The following TYR variants were observed in gnomAD, a reference collection of about 807,000 sequenced individuals.
The protein encoded by TYR is LB24-AB.
A neutral mutation model predicts 51.5 loss-of-function variants in TYR; 58 were observed. That is an observed-to-expected ratio of 1.13 (90% CI 0.91 to 1.40). The LOEUF is 1.40. Ranked by LOEUF, TYR falls within the 40% of genes most tolerant of loss-of-function variation. TYR has a pLI of 0.00. For missense variants in TYR, 732 were observed against 647.4 expected, an observed-to-expected ratio of 1.13 and a Z score of -1.42; for synonymous variants, 263 against 235.2, an observed-to-expected ratio of 1.12 and a Z score of -1.08.
intron 1 of TYR, among the ~76,000 whole-genome samples, chr11:89,181,788 A>G (rs1943303686): frequency 6.6e-6 from 1 of 152,188 alleles, no homozygotes; most frequent in Non-Finnish European, 1.5e-5. Flanking sequence ...TGAGGACTAA[A>G]ACCAAGCGGC....
chr11:89,177,936 G>C lies in TYR; in HGVS notation c.-18G>C. ...CAATTAGCCAGTTCCTGCAGACCTT[G>C]TGAGGACTAGAGGAAGAATGCTCCT... On this transcript the variant is annotated 5_prime_UTR_variant, in exon 1 of 5. Transcript: ENST00000263321. 1 of 1,612,944 alleles carries C rather than the reference G, an allele frequency of 6.2e-7. No individual in the cohort carries two copies. Among genetic ancestry groups the C allele is most frequent in the Admixed American group, 1.7e-5 (1 of 60,030 alleles).
At chr11:89,216,402 A>T (rs923345345) in intron 2 of TYR, among the ~76,000 whole-genome samples, 2 of 152,084 alleles carry the variant, frequency 1.3e-5, no homozygotes, top group African/African-American at 2.4e-5. Flanking sequence ...ATGGTATCAT[A>T]AGAAAACTCA....
rs1263681467 is a variant in TYR, at chr11:89,227,837, C to A, written c.1051C>A (p.Leu351Ile). 3.1e-6 allele frequency: 5 copies of A among 1,612,816 alleles called. No individual in the cohort carries two copies. The highest frequency in any genetic ancestry group is 2.2e-5 in the East Asian group (1 of 44,828). The part of the protein sequence containing the change: ...RNTLEGFASP[L>I]TGIADASQSS... Reference sequence around the variant, plus strand: ...TTAATGAACAGGATTTGCTAGTCCACTTACTGGGATAGCGGATGCCTCTCA... The same window carrying A: ...TTAATGAACAGGATTTGCTAGTCCAATTACTGGGATAGCGGATGCCTCTCA... The change falls in exon 3 of 5, where the codon CTT (leucine) becomes ATT (isoleucine). Residue 351 changes from leucine (L) to isoleucine (I), a missense_variant. Coordinates refer to ENST00000263321, the MANE Select transcript of TYR (RefSeq NM_000372.5).
At position 89,178,399 on chromosome 11, in the gene TYR, A is replaced by G. The variant is rs797046082; in HGVS notation, c.446A>G (p.Tyr149Cys). ...TLAKHTISSD[Y>C]VIPIGTYGQM... ...GCAAAGCATACCATCAGCTCAGACT[A>G]TGTCATCCCCATAGGGACCTATGGC... The change falls in exon 1 of 5, where the codon TAT (tyrosine) becomes TGT (cysteine). Residue 149 changes from tyrosine (Y) to cysteine (C), a missense_variant. Physicochemically the swap from Tyr to Cys is radical, Grantham distance 194. Transcript: ENST00000263321. The G allele has an allele frequency of 8.1e-6, 13 of 1,614,194 alleles. No homozygotes were observed. Among genetic ancestry groups the G allele is most frequent in the Non-Finnish European group, 1.1e-5 (13 of 1,180,048 alleles).
At chr11:89,284,495 G>A (rs182738636) in intron 3 of TYR, among the ~76,000 whole-genome samples, 1 of 151,884 alleles carries the variant, frequency 6.6e-6, no homozygotes, top group Admixed American at 6.6e-5. Context: ...TTATTTTGCA[G>A]CATTCTGGAG....
intron 3 of TYR, among the ~76,000 whole-genome samples, chr11:89,243,394 G>A (rs1944224745): frequency 6.6e-6 from 1 of 152,108 alleles, no homozygotes. Context: ...AAGTCAAGAG[G>A]TAGTTCAAGC....
At chr11:89,211,417 G>A (rs908970083) in intron 2 of TYR, among the ~76,000 whole-genome samples, 1 of 152,000 alleles carries the variant, frequency 6.6e-6, no homozygotes, top group African/African-American at 2.4e-5. Context: ...CTAAATATAC[G>A]TGCACCCAAT....
intron 2 of TYR, among the ~76,000 whole-genome samples, chr11:89,202,404 T>C (rs1943608363): frequency 1.3e-5 from 2 of 151,608 alleles, no homozygotes; most frequent in Non-Finnish European, 2.9e-5. Context: ...TGTTGAGCTA[T>C]GAAAATGAAG....
intron 3 of TYR, among the ~76,000 whole-genome samples, chr11:89,273,458 G>A (rs866049579): frequency 6.6e-6 from 1 of 151,850 alleles, no homozygotes; most frequent in African/African-American, 2.4e-5. Flanking sequence ...GATGTGGTTT[G>A]TGGCAACCCA....
intron 1 of TYR, among the ~76,000 whole-genome samples, chr11:89,189,998 T>A (rs1260633632): frequency 6.6e-6 from 1 of 152,152 alleles, no homozygotes; most frequent in Non-Finnish European, 1.5e-5. Context: ...TTATACACAA[T>A]GCATTACTCA....
In TYR at chr11:89,199,449, T is replaced by C. The variant is rs138102943; in HGVS notation, c.1036+8031T>C. 4.4e-3 allele frequency among the ~76,000 whole-genome samples: 677 copies of C among 152,290 alleles called. 6 individuals carry two copies. The highest frequency in any genetic ancestry group is 0.015 in the African/African-American group (608 of 41,544). ...ATTAAAAGGTGCAGGTATTATCTTA[T>C]GGCAAGTACTGTCTTAGGAAGATTC... On this transcript the variant is annotated intron_variant, in intron 2 of 4. Transcript: ENST00000263321.
chr11:89,239,199 T>G (rs1321069668), intron 3 of TYR, among the ~76,000 whole-genome samples: 1 of 152,176 alleles, frequency 6.6e-6, no homozygotes, highest in East Asian at 1.9e-4. Context: ...TCTGAAGCCA[T>G]CAAGTCCTAA....
chr11:89,276,843 A>G (rs1944660579), intron 3 of TYR, among the ~76,000 whole-genome samples: 1 of 151,792 alleles, frequency 6.6e-6, no homozygotes, highest in Non-Finnish European at 1.5e-5. Flanking sequence ...GGTACTTACT[A>G]TTATTAGTAA....
intron 3 of TYR, among the ~76,000 whole-genome samples, chr11:89,249,532 A>G (rs1944307324): frequency 6.6e-6 from 1 of 151,782 alleles, no homozygotes; most frequent in Admixed American, 6.6e-5. Context: ...GATCCATAAA[A>G]TGAGGAGAGA....
chr11:89,200,620 T>G (rs1326771325), intron 2 of TYR: 1 of 145,430 alleles, frequency 6.9e-6, no homozygotes, highest in Non-Finnish European at 1.5e-5. Context: ...AATTAATTTG[T>G]TATGTGATAG....
chr11:89,228,357 C>T (rs1316592289), intron 3 of TYR, among the ~76,000 whole-genome samples: 3 of 152,170 alleles, frequency 2.0e-5, no homozygotes, highest in African/African-American at 7.2e-5. Context: ...TACAGGATGC[C>T]CTGAGGTAGG....
rs1307528596 is a variant in TYR, at chr11:89,295,263, T to C, written c.1487T>C (p.Val496Ala). The change falls in exon 5 of 5, where the codon GTG becomes GCG. Residue 496 changes from valine (V) to alanine (A), a missense_variant. Physicochemically the swap from Val to Ala is moderately conservative, Grantham distance 64. Coordinates refer to ENST00000263321, the MANE Select transcript of TYR (RefSeq NM_000372.5). The part of the protein sequence containing the change: ...AVLTALLAGL[V>A]SLLCRHKRKQ... ...CTCACTGCCCTGCTGGCAGGGCTTG[T>C]GAGCTTGCTGTGTCGTCACAAGAGA... The C allele has an allele frequency of 6.2e-7, 1 of 1,613,904 alleles. No individual in the cohort carries two copies. The highest frequency in any genetic ancestry group is 1.1e-5 in the South Asian group (1 of 91,080).
chr11:89,289,571 G>A (rs1664311131), intron 4 of TYR, among the ~76,000 whole-genome samples: 1 of 151,922 alleles, frequency 6.6e-6, no homozygotes, highest in South Asian at 2.1e-4. Context: ...GGTGCTGAGG[G>A]TGAAAAGGTA....
intron 3 of TYR, among the ~76,000 whole-genome samples, chr11:89,269,437 G>T (rs1944564130): frequency 1.3e-5 from 2 of 151,982 alleles, no homozygotes; most frequent in Middle Eastern, 3.4e-3. Context: ...TCATAGCAGG[G>T]TGCCTGATAC....
Sources: gnomAD v4.1 joint callset for allele counts (sites outside exome capture counted in the v4.1 genomes callset) on GRCh38, gnomAD v4.1.1 for gene constraint, MANE v1.5 for transcripts, NCBI Gene and HGNC (gene_info 2026-07-23, HGNC 2026-07-21) for gene names.